EML6: variants seen among roughly 807,000 people sequenced by gnomAD.
EML6 encodes echinoderm microtubule-associated protein-like 6.
EML6 carries 154 observed loss-of-function variants against 240.1 expected under a neutral mutation model. That is an observed-to-expected ratio of 0.64 (90% confidence interval 0.56 to 0.73). The LOEUF (loss-of-function observed/expected upper bound fraction) is 0.73. Ranked by LOEUF, EML6 falls within the 30% of genes least tolerant of loss-of-function variation. The pLI, the probability that EML6 is intolerant of heterozygous loss-of-function variation, is 0.00. For synonymous variants in EML6, 1,148 were observed against 899.0 expected, an observed-to-expected ratio of 1.28 and a Z score of -4.95; for missense variants, 2,964 against 2,474.6, an observed-to-expected ratio of 1.20 and a Z score of -4.20.
chr2:54,816,887 T>C lies in EML6; in HGVS notation c.456+2T>C, dbSNP rs1668105085. On this transcript the variant is annotated splice_donor_variant, in intron 4 of 41. Coordinates refer to ENST00000356458, the MANE Select transcript of EML6 (RefSeq NM_001039753.4). LOFTEE classifies it high-confidence loss of function. ...TCAGCCACCGGCCATTCTGACAGGG[T>C]AAGAACTTGTTGGATCAAGCTATGC... The C allele has an allele frequency of 6.5e-7, 1 of 1,546,204 alleles. No individual in the cohort carries two copies. Among genetic ancestry groups the C allele is most frequent in the Admixed American group, 2.0e-5 (1 of 50,980 alleles).
intron 28 of EML6, among the ~76,000 whole-genome samples, chr2:54,948,070 G>A (rs377658084): frequency 6.6e-6 from 1 of 152,116 alleles, no homozygotes; most frequent in African/African-American, 2.4e-5. Flanking sequence ...TGGAACATGC[G>A]GTGGGAGCTG....
At position 54,824,057 on chromosome 2, in the gene EML6, C is replaced by T. The variant is rs180730713; in HGVS notation, c.526-3509C>T. Among the ~76,000 whole-genome samples the T allele has an allele frequency of 2.0e-5, 3 of 152,216 alleles. No homozygotes were observed. The East Asian group carries it at 5.8e-4, about 29-fold the overall frequency. ...AGCTCAGCCTCTGACTCCTATAGAG[C>T]TCTTTACACTGAGAAATTTCTTTAG... On this transcript the variant is annotated intron_variant, in intron 5 of 41. Coordinates refer to ENST00000356458, the MANE Select transcript of EML6 (RefSeq NM_001039753.4).
rs1671549393 is a variant in EML6, at chr2:54,877,146, C to T, written c.2345-2401C>T. ...TACAGATGCACACTACCATGCTTAG[C>T]TAATTTTTTTGTATTTTTGTAGAGA... On this transcript the variant is annotated intron_variant, in intron 16 of 41. Coordinates refer to ENST00000356458, the MANE Select transcript of EML6 (RefSeq NM_001039753.4). 1.3e-5 allele frequency among the ~76,000 whole-genome samples: 2 copies of T among 151,988 alleles called. 1 individual carries two copies. Among genetic ancestry groups the T allele is most frequent in the Admixed American group, 1.3e-4 (2 of 15,264 alleles).
At chr2:54,944,039 C>T (rs1675559434) in intron 28 of EML6, among the ~76,000 whole-genome samples, 1 of 152,124 alleles carries the variant, frequency 6.6e-6, no homozygotes, top group African/African-American at 2.4e-5. Context: ...CCTCTGCTTC[C>T]TCTTCCAGCC....
At chr2:54,969,221 G>C (rs139064025) in intron 41 of EML6, among the ~76,000 whole-genome samples, 75 of 152,302 alleles carry the variant, frequency 4.9e-4, no homozygotes, top group African/African-American at 1.5e-3. Flanking sequence ...TAGAGGAACA[G>C]GTCTAGGTCA....
rs2104353974 is a variant in EML6 at position 54,724,932 on chromosome 2, C to A, written c.-130C>A. On this transcript the variant is annotated 5_prime_UTR_variant, in exon 2 of 42. Coordinates refer to ENST00000356458, the MANE Select transcript of EML6 (RefSeq NM_001039753.4). This position sits in a 1 kb window ranked among gnomAD's most constrained non-coding sequence, Gnocchi z 5.2. ...GTGGCGGCCGGCCCGCTGGGCTGTG[C>A]CTGTGTGTCGCCGCGGAAATCAGCG... 2 of 672,560 alleles carry A rather than the reference C, an allele frequency of 3.0e-6. No homozygotes were observed. The highest frequency in any genetic ancestry group is 7.2e-5 in the South Asian group (1 of 13,968). 41.7% of individuals were successfully genotyped at this position (672,560 alleles called of 1,614,324 possible).
At chr2:54,728,421 C>G (rs1376557381) in intron 2 of EML6, among the ~76,000 whole-genome samples, 3 of 152,320 alleles carry the variant, frequency 2.0e-5, no homozygotes, top group Admixed American at 6.5e-5. Context: ...TTCCCTGTCT[C>G]CAGGTTCTTC....
intron 38 of EML6, 62 bp downstream of exon 38, chr2:54,964,795 C>A: frequency 6.8e-7 from 1 of 1,473,760 alleles, no homozygotes; most frequent in Non-Finnish European, 9.2e-7. Context: ...TAACAATGGC[C>A]TATATTAATC....
chr2:54,810,995 C>T (rs187002976), intron 2 of EML6, among the ~76,000 whole-genome samples: 82 of 152,276 alleles, frequency 5.4e-4, no homozygotes, highest in African/African-American at 1.9e-3. Context: ...CGCACAAAAT[C>T]TTCTGTCAAC....
rs1668277434 is a variant in EML6 at position 54,820,374 on chromosome 2, A to G, written c.457-20A>G. 2.0e-6 allele frequency: 3 copies of G among 1,527,988 alleles called. No homozygotes were observed. Among genetic ancestry groups the G allele is most frequent in the African/African-American group, 1.4e-5 (1 of 72,418 alleles). The allele number at this position is 1,527,988 out of a possible 1,614,324, so 94.7% of individuals were successfully genotyped here. A position where few individuals can be genotyped will look rare whatever the true frequency, so the allele number is the denominator to read the frequency against. Reference sequence around the variant, plus strand: ...AATATACCAAATGATCAACATGGCAACTTTTAATGTTTTGAACAGATTTTT... The same window carrying G: ...AATATACCAAATGATCAACATGGCAGCTTTTAATGTTTTGAACAGATTTTT... On this transcript the variant is annotated intron_variant, in intron 4 of 41. Transcript: ENST00000356458.
At chr2:54,796,169 T>C (rs1027020001) in intron 2 of EML6, among the ~76,000 whole-genome samples, 5 of 152,216 alleles carry the variant, frequency 3.3e-5, no homozygotes, top group Non-Finnish European at 5.9e-5. Flanking sequence ...TCCCAAGATA[T>C]CATATCTATC....
chr2:54,923,670 A>C (rs1008520518), intron 26 of EML6, among the ~76,000 whole-genome samples: 3 of 152,156 alleles, frequency 2.0e-5, no homozygotes, highest in Non-Finnish European at 4.4e-5. Context: ...AAATACATAA[A>C]TGTTCAGTGT....
At chr2:54,773,352 C>T (rs988121409) in intron 2 of EML6, among the ~76,000 whole-genome samples, 1 of 152,250 alleles carries the variant, frequency 6.6e-6, no homozygotes, top group Non-Finnish European at 1.5e-5. Context: ...ACTGCGTTCC[C>T]TGAGCACTTC....
At chr2:54,732,287 A>C (rs1314861913) in intron 2 of EML6, among the ~76,000 whole-genome samples, 1 of 151,454 alleles carries the variant, frequency 6.6e-6, no homozygotes, top group Non-Finnish European at 1.5e-5. Context: ...GGAAGTACAA[A>C]AGTTTTTCAT....
chr2:54,796,597 T>C (rs1354709134), intron 2 of EML6, among the ~76,000 whole-genome samples: 1 of 152,250 alleles, frequency 6.6e-6, no homozygotes, highest in East Asian at 1.9e-4. Context: ...TTGAGTATAT[T>C]AAATGTGTGT....
chr2:54,836,877 A>C (rs1048256929), intron 7 of EML6, among the ~76,000 whole-genome samples: 1 of 152,012 alleles, frequency 6.6e-6, no homozygotes, highest in Non-Finnish European at 1.5e-5. Flanking sequence ...TTTCTTTCAC[A>C]TTTCCAAACT....
At chr2:54,833,067 T>A (rs1314512540) in intron 7 of EML6, among the ~76,000 whole-genome samples, 1 of 152,258 alleles carries the variant, frequency 6.6e-6, no homozygotes, top group Non-Finnish European at 1.5e-5. Context: ...TCTAAACAAA[T>A]TTAGCAAGAG....
Position 54,731,521 on chromosome 2 carries a change from G to A in EML6, c.197+6263G>A, listed in dbSNP as rs531317649. 9.5e-4 allele frequency among the ~76,000 whole-genome samples: 144 copies of A among 152,082 alleles called. 2 individuals carry two copies. The highest frequency in any genetic ancestry group is 3.3e-3 in the African/African-American group (135 of 41,458). ...CCAGGCATGGTGGCGTGTGCCTATG[G>A]TCTCAGCTACTTGGGAGCCTGGAAG... On this transcript the variant is annotated intron_variant, in intron 2 of 41. Coordinates refer to ENST00000356458, the MANE Select transcript of EML6 (RefSeq NM_001039753.4).
At chr2:54,843,900 CAAGAGTCTTT>C in intron 7 of EML6, 137 bp from the exon 8 acceptor site, 1 of 642,470 alleles carries the variant, frequency 1.6e-6, no homozygotes, top group Non-Finnish European at 2.7e-6. Context: ...TCTCTGCCTC[CAAGAGTCTTT>C]AAGATGTGTC....
Sources: gnomAD v4.1 joint callset for allele counts (sites outside exome capture counted in the v4.1 genomes callset) on GRCh38, gnomAD v4.1.1 for gene constraint, Gnocchi (gnomAD v3.1) non-coding constraint, MANE v1.5 for transcripts, NCBI Gene and HGNC (gene_info 2026-07-23, HGNC 2026-07-21) for gene names.